CDH12: variants seen among roughly 807,000 people sequenced by gnomAD.
CDH12 encodes the protein cadherin-12.
CDH12 carries 41 observed loss-of-function variants against 74.1 expected under a neutral mutation model. The observed-to-expected ratio is 0.55, with a 90% CI of 0.43 to 0.72. The LOEUF (loss-of-function observed/expected upper bound fraction) is 0.72. Ranked by LOEUF, CDH12 falls within the 30% of genes least tolerant of loss-of-function variation. CDH12 has a pLI of 0.00. For synonymous variants in CDH12, 399 were observed against 355.0 expected (o/e 1.12, Z -1.39); for missense variants, 945 against 977.2 (o/e 0.97, Z 0.44).
chr5:21,902,068 T>C (rs535722238), intron 6 of CDH12, among the ~76,000 whole-genome samples: 1 of 152,194 alleles, frequency 6.6e-6, no homozygotes, highest in East Asian at 1.9e-4. Flanking sequence ...GATGGAATCT[T>C]TCAAAATTAT....
intron 3 of CDH12, among the ~76,000 whole-genome samples, chr5:22,386,111 C>T (rs1741988179): frequency 6.6e-6 from 1 of 152,010 alleles, no homozygotes; most frequent in South Asian, 2.1e-4. Context: ...AGACTGGTCT[C>T]AAACTCCCGA....
intron 2 of CDH12, among the ~76,000 whole-genome samples, chr5:22,447,912 C>T (rs1026661652): frequency 4.1e-5 from 6 of 144,716 alleles, no homozygotes; most frequent in South Asian, 2.3e-4. Context: ...GGGGCCAAAG[C>T]GGGAGTATCA....
At chr5:22,080,930 C>A (rs1239004098) in intron 4 of CDH12, among the ~76,000 whole-genome samples, 1 of 151,930 alleles carries the variant, frequency 6.6e-6, no homozygotes, top group Non-Finnish European at 1.5e-5. Flanking sequence ...TAGGTGCGTG[C>A]CACCACACCC....
chr5:21,955,512 T>C (rs866446335), intron 6 of CDH12, among the ~76,000 whole-genome samples: 1 of 152,032 alleles, frequency 6.6e-6, no homozygotes, highest in Non-Finnish European at 1.5e-5. Flanking sequence ...AAAATTTTAA[T>C]GAGTGATCAA....
intron 6 of CDH12, among the ~76,000 whole-genome samples, chr5:21,931,826 G>T (rs978007920): frequency 6.6e-6 from 1 of 152,110 alleles, no homozygotes; most frequent in Admixed American, 6.5e-5. Context: ...CAAATTGATT[G>T]CTCTTTTCCT....
chr5:22,248,186 G>C (rs1405828497), intron 3 of CDH12, among the ~76,000 whole-genome samples: 2 of 152,136 alleles, frequency 1.3e-5, no homozygotes, highest in African/African-American at 2.4e-5. Flanking sequence ...TGTAATCCCA[G>C]CTACTTGGGA....
chr5:21,815,595 T>C (rs1470074043), intron 9 of CDH12, among the ~76,000 whole-genome samples: 1 of 152,196 alleles, frequency 6.6e-6, no homozygotes, highest in East Asian at 1.9e-4. Flanking sequence ...CCATATGTCA[T>C]TACTAAACAG....
chr5:22,624,641 A>T (rs1472550459), intron 1 of CDH12, among the ~76,000 whole-genome samples: 1 of 152,228 alleles, frequency 6.6e-6, no homozygotes, highest in Non-Finnish European at 1.5e-5. Context: ...AATGGCGATC[A>T]TTAAAAAGTC....
At chr5:22,842,373 G>A (rs1441036530) in intron 1 of CDH12, among the ~76,000 whole-genome samples, 3 of 152,150 alleles carry the variant, frequency 2.0e-5, no homozygotes, top group Non-Finnish European at 4.4e-5. Context: ...ATGAATGACA[G>A]TAGGTTGTAG....
At chr5:22,702,380 A>T (rs781323641) in intron 1 of CDH12, among the ~76,000 whole-genome samples, 2 of 152,098 alleles carry the variant, frequency 1.3e-5, no homozygotes, top group African/African-American at 4.8e-5. Flanking sequence ...ATCTCTCACC[A>T]ATCAGATTGT....
intron 3 of CDH12, among the ~76,000 whole-genome samples, chr5:22,318,547 G>A (rs944136412): frequency 7.9e-5 from 12 of 152,042 alleles, no homozygotes; most frequent in African/African-American, 2.9e-4. Context: ...TTATAATTTT[G>A]TTCCCCAAAG....
chr5:21,814,860 C>A (rs998425622), intron 9 of CDH12, among the ~76,000 whole-genome samples: 5 of 151,260 alleles, frequency 3.3e-5, no homozygotes, highest in Non-Finnish European at 7.4e-5. Context: ...TTGTTGGAGA[C>A]CTTCTTAGGG....
chr5:22,794,745 A>T (rs1051135002), intron 1 of CDH12, among the ~76,000 whole-genome samples: 3 of 152,134 alleles, frequency 2.0e-5, no homozygotes, highest in Non-Finnish European at 2.9e-5. Context: ...CTGTGAATAT[A>T]TTATCTTACA....
chr5:22,728,196 C>A (rs558382552), intron 1 of CDH12, among the ~76,000 whole-genome samples: 33 of 151,632 alleles, frequency 2.2e-4, no homozygotes, highest in Non-Finnish European at 3.5e-4. Context: ...TGATTGAATT[C>A]TTAATTTCAG....
rs142486356 is a variant in CDH12 at position 22,672,268 on chromosome 5, G to A, written c.-522-166904C>T. 5.6e-4 allele frequency among the ~76,000 whole-genome samples: 85 copies of A among 151,210 alleles called. 1 individual carries two copies. The East Asian group carries it at 0.013, about 22-fold the overall frequency. ...TTTTAAAATTTTCATGCTATCAACT[G>A]TTGGCCATTAATCTGCATATTATCA... On this transcript the variant is annotated intron_variant, in intron 1 of 14. Transcript: ENST00000382254.
intron 2 of CDH12, among the ~76,000 whole-genome samples, chr5:22,474,475 T>C (rs1223274600): frequency 6.6e-6 from 1 of 152,094 alleles, no homozygotes; most frequent in Admixed American, 6.6e-5. Flanking sequence ...AGTGGTCAAA[T>C]AGACAGCAAT....
At chr5:22,608,357 C>A (rs527977237) in intron 1 of CDH12, among the ~76,000 whole-genome samples, 22 of 152,284 alleles carry the variant, frequency 1.4e-4, no homozygotes, top group Admixed American at 7.8e-4. Flanking sequence ...TGGATGGGGC[C>A]TGTATCCTCT....
intron 4 of CDH12, among the ~76,000 whole-genome samples, chr5:22,138,873 T>TAC (rs1746622887): frequency 7.2e-6 from 1 of 139,412 alleles, no homozygotes; most frequent in Admixed American, 7.3e-5. Flanking sequence ...TATATATATA[T>TAC]ATACATGTTG....
chr5:21,853,627 TGTTA>T (rs1016989432), intron 7 of CDH12, among the ~76,000 whole-genome samples: 6 of 151,682 alleles, frequency 4.0e-5, no homozygotes, highest in African/African-American at 1.4e-4. Flanking sequence ...CATAATTAAT[TGTTA>T]ATTAACTTAT....
Sources: gnomAD v4.1 joint callset for allele counts (sites outside exome capture counted in the v4.1 genomes callset) on GRCh38, gnomAD v4.1.1 for gene constraint, MANE v1.5 for transcripts, NCBI Gene and HGNC (gene_info 2026-07-23, HGNC 2026-07-21) for gene names.